The following USP47 variants were observed in gnomAD, a reference collection of about 807,000 sequenced individuals.
USP47 encodes the protein ubiquitin carboxyl-terminal hydrolase 47.
Under a neutral mutation model 165.1 loss-of-function variants are expected in USP47, and 35 were observed. That is an observed-to-expected ratio of 0.21 (90% CI 0.16 to 0.28). USP47 has a LOEUF of 0.28. Ranked by LOEUF, USP47 falls within the 10% of genes least tolerant of loss-of-function variation. The pLI, the probability that USP47 is intolerant of heterozygous loss-of-function variation, is 1.00. For missense variants in USP47, 1,277 were observed against 1,607.4 expected, an observed-to-expected ratio of 0.79 and a Z score of 3.52; for synonymous variants, 531 against 544.5, an observed-to-expected ratio of 0.98 and a Z score of 0.35.
At chr11:11,870,177 A>G (rs1000550047) in intron 1 of USP47, among the ~76,000 whole-genome samples, 7 of 148,646 alleles carry the variant, frequency 4.7e-5, no homozygotes, top group African/African-American at 1.7e-4. Flanking sequence ...CCTTTTATAT[A>G]GCTTTCTTGG....
chr11:11,884,752 G>C, intron 3 of USP47, 172 bp downstream of exon 3: 2 of 523,906 alleles, frequency 3.8e-6, no homozygotes, highest in South Asian at 5.2e-5. Flanking sequence ...TAGTTACACT[G>C]GACATCCACA....
At chr11:11,853,853 C>T (rs1848866082) in intron 1 of USP47, among the ~76,000 whole-genome samples, 1 of 152,008 alleles carries the variant, frequency 6.6e-6, no homozygotes, top group Admixed American at 6.6e-5. Flanking sequence ...CCGGCTGGGC[C>T]TGGTGGCTCA....
At position 11,905,509 on chromosome 11, in the gene USP47, C is replaced by T; in HGVS notation, c.930C>T (p.Val310=). 6.2e-7 allele frequency: 1 copy of T among 1,609,002 alleles called. No homozygotes were observed. The highest frequency in any genetic ancestry group is 8.5e-7 in the Non-Finnish European group (1 of 1,176,516). ...RIDTYLDIPL[V]IRPYGSSQAF... is the part of the protein sequence containing the mutation. Reference sequence around the variant, plus strand: ...ACACATATCTTGATATTCCATTGGTCATCCGACCTTATGGGTCCAGCCAAG... The same window carrying T: ...ACACATATCTTGATATTCCATTGGTTATCCGACCTTATGGGTCCAGCCAAG... Residue 310 remains valine, a synonymous_variant, in exon 8 of 28, where the codon GTC becomes GTT. Coordinates refer to ENST00000527733, the MANE Select transcript of USP47 (RefSeq NM_001282659.2).
intron 5 of USP47, among the ~76,000 whole-genome samples, chr11:11,899,010 A>T (rs553588460): frequency 1.3e-5 from 2 of 152,344 alleles, no homozygotes; most frequent in Admixed American, 1.3e-4. Context: ...AGAGAAATAT[A>T]GCTTTGCCTG....
At chr11:11,904,414 A>C (rs952331566) in intron 7 of USP47, among the ~76,000 whole-genome samples, 2 of 152,218 alleles carry the variant, frequency 1.3e-5, no homozygotes, top group Non-Finnish European at 1.5e-5. Context: ...GATGTAGTAC[A>C]CTTATCCTCA....
intron 1 of USP47, among the ~76,000 whole-genome samples, chr11:11,850,432 G>T (rs1257704868): frequency 1.5e-5 from 2 of 134,164 alleles, no homozygotes; most frequent in African/African-American, 2.8e-5. Flanking sequence ...TCCTATATTT[G>T]TTTTATGGAT....
At chr11:11,896,728 C>T (rs1851870510) in intron 4 of USP47, among the ~76,000 whole-genome samples, 1 of 151,944 alleles carries the variant, frequency 6.6e-6, no homozygotes, top group African/African-American at 2.4e-5. Flanking sequence ...GATAAAGGCT[C>T]TAATACGGAT....
chr11:11,876,378 G>A (rs1445636324), intron 1 of USP47, among the ~76,000 whole-genome samples: 3 of 152,156 alleles, frequency 2.0e-5, no homozygotes, highest in African/African-American at 2.4e-5. Context: ...CCTACCAACA[G>A]CACCATCATC....
At chr11:11,888,374 G>A (rs554823489) in intron 3 of USP47, among the ~76,000 whole-genome samples, 282 of 152,114 alleles carry the variant, frequency 1.9e-3, no homozygotes, top group Non-Finnish European at 3.0e-3. Context: ...AACGATAAGG[G>A]GGATATCACC....
intron 11 of USP47, among the ~76,000 whole-genome samples, chr11:11,925,378 C>T (rs1016725392): frequency 2.6e-5 from 4 of 152,166 alleles, no homozygotes; most frequent in East Asian, 1.9e-4. Flanking sequence ...ACTGGGATTA[C>T]AGGCGTGAGC....
At chr11:11,946,580 A>G (rs955813957) in intron 20 of USP47, among the ~76,000 whole-genome samples, 2 of 152,208 alleles carry the variant, frequency 1.3e-5, no homozygotes, top group African/African-American at 4.8e-5. Flanking sequence ...TAAAGTGACA[A>G]AACTGAAATC....
intron 3 of USP47, among the ~76,000 whole-genome samples, chr11:11,890,284 A>C (rs1053420516): frequency 6.6e-6 from 1 of 152,182 alleles, no homozygotes; most frequent in Non-Finnish European, 1.5e-5. Flanking sequence ...ATGGGAGAAA[A>C]TTTTTACAAT....
intron 17 of USP47, among the ~76,000 whole-genome samples, chr11:11,937,467 A>G (rs1378785150): frequency 1.3e-5 from 2 of 151,760 alleles, no homozygotes; most frequent in Admixed American, 6.6e-5. Context: ...CAAGGAGTCT[A>G]CGGCTCTTAA....
At chr11:11,905,075 A>C (rs1052275685) in intron 7 of USP47, among the ~76,000 whole-genome samples, 6 of 151,960 alleles carry the variant, frequency 3.9e-5, no homozygotes, top group Admixed American at 3.9e-4. Context: ...TTGGTAACTG[A>C]TTTCATCAAA....
chr11:11,919,626 A>G (rs1052444575), intron 8 of USP47, among the ~76,000 whole-genome samples: 1 of 151,908 alleles, frequency 6.6e-6, no homozygotes, highest in East Asian at 1.9e-4. Context: ...AGAAGGTTGC[A>G]CAGTGTTTTT....
rs1211646838 is a variant in USP47 at position 11,942,797 on chromosome 11, T to C, written c.2776T>C (p.Ser926Pro). Residue 926 changes from serine (S) to proline (P), a missense_variant, in exon 20 of 28, where the codon TCA becomes CCA. Around this residue, in one of 4 missense-constraint regions of USP47, gnomAD observed 909 missense variants for 1,068.1 expected, o/e 0.85. Coordinates refer to ENST00000527733, the MANE Select transcript of USP47 (RefSeq NM_001282659.2). ...TTTTCAGTCTGAAGAACGATCAGAC[T>C]CAGATGTGAATAATGACAGGAGTAC... is the stretch of plus-strand genomic sequence containing the variant. ...ENFQSEERSD[S>P]DVNNDRSTSS... is the part of the protein sequence containing the mutation. The C allele has an allele frequency of 6.2e-7, 1 of 1,613,542 alleles. No homozygotes were observed. The highest frequency in any genetic ancestry group is 2.2e-5 in the East Asian group (1 of 44,874).
chr11:11,937,145 A>G (rs1855129483), intron 17 of USP47, among the ~76,000 whole-genome samples: 1 of 151,834 alleles, frequency 6.6e-6, no homozygotes, highest in Non-Finnish European at 1.5e-5. Context: ...TCCCAGAGAC[A>G]GTTTCCCTAT....
chr11:11,918,432 T>TGAAA (rs2134580006), intron 8 of USP47, among the ~76,000 whole-genome samples: 1 of 152,240 alleles, frequency 6.6e-6, no homozygotes, highest in African/African-American at 2.4e-5. Flanking sequence ...ATATGGCTGA[T>TGAAA]GAAAGTACTT....
At chr11:11,935,898 C>T (rs1400671249) in intron 16 of USP47, among the ~76,000 whole-genome samples, 2 of 151,872 alleles carry the variant, frequency 1.3e-5, no homozygotes, top group Admixed American at 1.3e-4. Context: ...ATTATCAATT[C>T]TACTCCAGAT....
Sources: allele counts gnomAD v4.1 joint callset (sites outside exome capture counted in the v4.1 genomes callset), GRCh38; gene constraint gnomAD v4.1.1; regional missense constraint gnomAD v4.1.1; transcripts MANE v1.5; gene names NCBI Gene and HGNC (gene_info 2026-07-23, HGNC 2026-07-21).